Variants in VPS13B observed in about 807,000 individuals in gnomAD.
VPS13B encodes the protein vacuolar protein sorting 13 homolog B.
In VPS13B, 285 loss-of-function variants were observed where a neutral mutation model predicts 426.4. The observed-to-expected ratio is 0.67, with a 90% CI of 0.61 to 0.74. The LOEUF (loss-of-function observed/expected upper bound fraction) is 0.74. Ranked by LOEUF, VPS13B falls within the 30% of genes least tolerant of loss-of-function variation. The probability of loss-of-function intolerance (pLI) is 0.00; values close to 1 mark genes in which losing one functional copy is unlikely to be tolerated. For synonymous variants in VPS13B, 1,676 were observed against 1,676.4 expected (o/e 1.00, Z 0.01); for missense variants, 4,537 against 4,782.6 (o/e 0.95, Z 1.51).
At chr8:99,865,026 A>G (rs1182200622) in intron 58 of VPS13B, among the ~76,000 whole-genome samples, 2 of 152,232 alleles carry the variant, frequency 1.3e-5, no homozygotes. Flanking sequence ...CTTGAAAATT[A>G]AAGCAAGTCT....
At chr8:99,429,456 A>G (rs185190754) in intron 21 of VPS13B, 3 of 152,090 alleles carry the variant, frequency 2.0e-5, no homozygotes, top group East Asian at 1.9e-4. Flanking sequence ...CTATTTTTTT[A>G]TAGTCGTTTA....
intron 17 of VPS13B, among the ~76,000 whole-genome samples, chr8:99,195,673 T>G (rs866519262): frequency 1.3e-5 from 2 of 152,208 alleles, no homozygotes. Context: ...ATAAGTTTCT[T>G]CTAGTAGATT....
chr8:99,795,198 T>C (rs1812744207), intron 43 of VPS13B, among the ~76,000 whole-genome samples: 1 of 152,212 alleles, frequency 6.6e-6, no homozygotes, highest in South Asian at 2.1e-4. Context: ...GAAATCTACT[T>C]AGCTAGATCA....
chr8:99,287,232 GTCTATCTATCTATCTATCTATCTATCTA>G (rs58719967), intron 19 of VPS13B, among the ~76,000 whole-genome samples: 2 of 139,036 alleles, frequency 1.4e-5, no homozygotes, highest in African/African-American at 5.3e-5. Flanking sequence ...CTATCTGTCT[GTCTATCTATCTATCTATCTATCTATCTA>G]TCTATCTATC....
intron 14 of VPS13B, among the ~76,000 whole-genome samples, chr8:99,149,532 G>A (rs1049698320): frequency 2.6e-5 from 4 of 151,858 alleles, no homozygotes; most frequent in African/African-American, 9.7e-5. Flanking sequence ...TGGTCAGGCA[G>A]GTCTTGAACT....
chr8:99,849,931 A>G (rs1412292239), intron 55 of VPS13B, among the ~76,000 whole-genome samples: 4 of 143,594 alleles, frequency 2.8e-5, no homozygotes, highest in Middle Eastern at 3.5e-3. Flanking sequence ...ATAAGTACGC[A>G]TGTATGTACT....
At chr8:99,065,448 G>A (rs1264972607) in intron 3 of VPS13B, among the ~76,000 whole-genome samples, 3 of 152,080 alleles carry the variant, frequency 2.0e-5, no homozygotes, top group South Asian at 2.1e-4. Flanking sequence ...AAAGGCCTTC[G>A]ACAAAATTTA....
chr8:99,746,237 T>A (rs939114514), intron 39 of VPS13B, among the ~76,000 whole-genome samples: 8 of 152,104 alleles, frequency 5.3e-5, no homozygotes, highest in African/African-American at 1.9e-4. Context: ...GAAAGAATAC[T>A]TCTCAGGTGA....
At chr8:99,182,068 G>A (rs1230834722) in intron 16 of VPS13B, among the ~76,000 whole-genome samples, 4 of 152,138 alleles carry the variant, frequency 2.6e-5, no homozygotes, top group Admixed American at 6.5e-5. Context: ...TTAAAACCAC[G>A]TTGAGAATGA....
At position 99,274,244 on chromosome 8, in the gene VPS13B, G is replaced by C; in HGVS notation, c.2562G>C (p.Gln854His). 1 of 1,614,156 alleles carries C rather than the reference G, an allele frequency of 6.2e-7. No individual in the cohort carries two copies. The highest frequency in any genetic ancestry group is 1.1e-5 in the South Asian group (1 of 91,084). Residue 854 changes from glutamine (Q) to histidine (H), a missense_variant, in exon 18 of 62, where the codon CAG becomes CAC. By Grantham distance (24) the Gln-to-His change is conservative. Transcript: ENST00000357162. ...NPLPTLEGSI[Q>H]NVELKYCSTS... ...TGCCAACTCTTGAGGGCTCAATCCAGAATGTTGAATTGAAGTACTGCAGCA... is the reference window on the plus strand; with the variant it reads ...TGCCAACTCTTGAGGGCTCAATCCACAATGTTGAATTGAAGTACTGCAGCA...
intron 43 of VPS13B, among the ~76,000 whole-genome samples, chr8:99,792,951 A>G (rs1043700617): frequency 1.4e-4 from 21 of 151,892 alleles, no homozygotes; most frequent in African/African-American, 4.8e-4. Context: ...CACGCCTGTA[A>G]TCCTAGCACT....
chr8:99,708,847 C>CTATATATA (rs199794709), intron 36 of VPS13B, among the ~76,000 whole-genome samples: 1 of 148,096 alleles, frequency 6.8e-6, no homozygotes, highest in East Asian at 2.0e-4. Context: ...CTCTCTCTCT[C>CTATATATA]TCTATATATA....
At chr8:99,540,455 T>C (rs1265718031) in intron 30 of VPS13B, among the ~76,000 whole-genome samples, 1 of 152,106 alleles carries the variant, frequency 6.6e-6, no homozygotes, top group East Asian at 1.9e-4. Context: ...CCAGCTAAAT[T>C]GGGAGTCATT....
chr8:99,360,370 C>T (rs1342835217), intron 19 of VPS13B, among the ~76,000 whole-genome samples: 3 of 150,676 alleles, frequency 2.0e-5, no homozygotes, highest in African/African-American at 4.9e-5. Flanking sequence ...CTCCGCCTCC[C>T]GGGTTCATTC....
chr8:99,326,736 C>A (rs1399167427), intron 19 of VPS13B, among the ~76,000 whole-genome samples: 1 of 151,876 alleles, frequency 6.6e-6, no homozygotes, highest in East Asian at 1.9e-4. Flanking sequence ...ATTTGTTAGT[C>A]TCCTACAAAT....
At chr8:99,301,857 GCTCAAGAGATCCGTCTGCCTTGGC>G (rs1223583676) in intron 19 of VPS13B, among the ~76,000 whole-genome samples, 1 of 151,038 alleles carries the variant, frequency 6.6e-6, no homozygotes, top group East Asian at 2.0e-4. Flanking sequence ...AAACTCTTGG[GCTCAAGAGATCCGTCTGCCTTGGC>G]CTCCCCAAAT....
intron 39 of VPS13B, among the ~76,000 whole-genome samples, chr8:99,730,047 A>G (rs975573154): frequency 6.6e-6 from 1 of 152,234 alleles, no homozygotes; most frequent in Non-Finnish European, 1.5e-5. Flanking sequence ...CTTAAAAAGA[A>G]TAAAAGGAAG....
chr8:99,835,329 G>A lies in VPS13B; in HGVS notation c.9742+5G>A. 1 of 1,608,468 alleles carries A rather than the reference G, an allele frequency of 6.2e-7. No individual in the cohort carries two copies. The highest frequency in any genetic ancestry group is 1.1e-5 in the South Asian group (1 of 90,938). On this transcript the variant is annotated splice_donor_5th_base_variant and intron_variant, in intron 53 of 61. Coordinates refer to ENST00000357162, the MANE Select transcript of VPS13B (RefSeq NM_152564.5). ...TTATAAAGGAAAACATTAAAGGTAT[G>A]TTTTATACTATCGAATTTAGATAAT...
intron 25 of VPS13B, among the ~76,000 whole-genome samples, chr8:99,483,672 CAGT>C (rs532337029): frequency 2.6e-5 from 4 of 152,234 alleles, no homozygotes; most frequent in Admixed American, 2.6e-4. Context: ...TTCCATTAAA[CAGT>C]TGTTTTCTAA....
Sources: gnomAD v4.1 joint callset for allele counts (sites outside exome capture counted in the v4.1 genomes callset) on GRCh38, gnomAD v4.1.1 for gene constraint, MANE v1.5 for transcripts, NCBI Gene and HGNC (gene_info 2026-07-23, HGNC 2026-07-21) for gene names.